Variants in KLHL1 observed in about 807,000 individuals in gnomAD.
KLHL1 encodes kelch like family member 1, also known as kelch-like protein 1.
KLHL1 carries 47 observed loss-of-function variants against 77.7 expected under a neutral mutation model. The observed-to-expected ratio is 0.60, with a 90% CI of 0.48 to 0.77. The LOEUF (loss-of-function observed/expected upper bound fraction) is 0.77. Among genes scored for constraint, KLHL1 ranks in the 30% least tolerant of loss-of-function variants. KLHL1 has a pLI of 0.00. For synonymous variants in KLHL1, 360 were observed against 325.2 expected (o/e 1.11, Z -1.15); for missense variants, 925 against 910.8 (o/e 1.02, Z -0.20).
chr13:69,788,652 A>T (rs937882171), intron 7 of KLHL1, among the ~76,000 whole-genome samples: 1 of 139,392 alleles, frequency 7.2e-6, no homozygotes, highest in Non-Finnish European at 1.6e-5. Context: ...CCTAAAACTT[A>T]AAGTATAATA....
At chr13:70,010,370 TAA>T (rs796971633) in intron 1 of KLHL1, among the ~76,000 whole-genome samples, 1 of 149,374 alleles carries the variant, frequency 6.7e-6, no homozygotes, top group African/African-American at 2.5e-5. Flanking sequence ...GAAAAGGATT[TAA>T]AAAAAAAAGT....
chr13:69,898,546 G>C (rs1566377817), intron 4 of KLHL1, among the ~76,000 whole-genome samples: 1 of 152,172 alleles, frequency 6.6e-6, no homozygotes, highest in Non-Finnish European at 1.5e-5. Flanking sequence ...GTCAGGCTCA[G>C]ATATGAGTGA....
chr13:69,941,203 G>T (rs1883355807), intron 3 of KLHL1, among the ~76,000 whole-genome samples: 1 of 151,808 alleles, frequency 6.6e-6, no homozygotes, highest in Admixed American at 6.6e-5. Flanking sequence ...AGATAGACCA[G>T]GAACAAGTCT....
Position 69,780,709 on chromosome 13 carries a change from T to C in KLHL1, c.1639+16029A>G, listed in dbSNP as rs1231442002. 1.2e-3 allele frequency among the ~76,000 whole-genome samples: 43 copies of C among 37,324 alleles called. 1 individual carries two copies. Among genetic ancestry groups the C allele is most frequent in the African/African-American group, 5.6e-3 (39 of 6,986 alleles). The allele number at this position is 37,324 out of a possible 152,430, so 24.5% of individuals were successfully genotyped here. On this transcript the variant is annotated intron_variant, in intron 7 of 10. Coordinates refer to ENST00000377844, the MANE Select transcript of KLHL1 (RefSeq NM_020866.3). ...TCATATATATATATATATGTATATA[T>C]ATATATGTATATATATATATATACA...
At chr13:69,762,199 A>G (rs974858133) in intron 7 of KLHL1, among the ~76,000 whole-genome samples, 5 of 152,170 alleles carry the variant, frequency 3.3e-5, no homozygotes, top group African/African-American at 1.2e-4. Context: ...AAATCTGTAA[A>G]TAAGGTATTA....
At chr13:69,775,727 G>A (rs1028318803) in intron 7 of KLHL1, among the ~76,000 whole-genome samples, 1 of 151,794 alleles carries the variant, frequency 6.6e-6, no homozygotes, top group Non-Finnish European at 1.5e-5. Flanking sequence ...GTCGTGCTCT[G>A]TCACTAGGAC....
At chr13:69,784,561 AC>A (rs1171760003) in intron 7 of KLHL1, among the ~76,000 whole-genome samples, 5 of 151,766 alleles carry the variant, frequency 3.3e-5, no homozygotes, top group African/African-American at 1.2e-4. Flanking sequence ...CAGACTTTAA[AC>A]CAACAAAGAT....
intron 5 of KLHL1, among the ~76,000 whole-genome samples, chr13:69,870,349 A>G (rs1880531176): frequency 6.6e-6 from 1 of 152,106 alleles, no homozygotes; most frequent in Non-Finnish European, 1.5e-5. Flanking sequence ...CCATGAGGAC[A>G]GCACCCAGAC....
rs116649802 is a variant in KLHL1, at chr13:70,000,058, C to T, written c.498-24256G>A. 3.6e-3 allele frequency among the ~76,000 whole-genome samples: 551 copies of T among 151,906 alleles called. 4 individuals carry two copies. Among genetic ancestry groups the T allele is most frequent in the African/African-American group, 0.013 (525 of 41,472 alleles). ...TGTGAGTTCTGGGTCTGTTAGTTCCCATGAGATCTGATTGTTTAAAAGAGG... is the reference window on the plus strand; with the variant it reads ...TGTGAGTTCTGGGTCTGTTAGTTCCTATGAGATCTGATTGTTTAAAAGAGG... On this transcript the variant is annotated intron_variant, in intron 1 of 10. Coordinates refer to ENST00000377844, the MANE Select transcript of KLHL1 (RefSeq NM_020866.3).
At chr13:70,071,605 G>GA (rs1273327908) in intron 1 of KLHL1, among the ~76,000 whole-genome samples, 4 of 151,016 alleles carry the variant, frequency 2.6e-5, no homozygotes, top group Non-Finnish European at 4.4e-5. Context: ...ATCAAAAAAA[G>GA]AAAAAAATCA....
In KLHL1 at chr13:69,796,732, T is replaced by A. The variant is rs1457618785; in HGVS notation, c.1639+6A>T. On this transcript the variant is annotated splice_donor_region_variant and intron_variant, in intron 7 of 10. Coordinates refer to ENST00000377844, the MANE Select transcript of KLHL1 (RefSeq NM_020866.3). The stretch of plus-strand genomic sequence containing the variant: ...TAAAAGTAATATCAATAAAGTAAGA[T>A]CTTACCTAGACCATGTCTGTGTGTT... 1 of 1,591,632 alleles carries A rather than the reference T, an allele frequency of 6.3e-7. No individual in the cohort carries two copies.
At chr13:69,741,084 C>A (rs1344529375) in intron 7 of KLHL1, among the ~76,000 whole-genome samples, 1 of 151,970 alleles carries the variant, frequency 6.6e-6, no homozygotes, top group Non-Finnish European at 1.5e-5. Context: ...TTTGGTTTCC[C>A]AAAAAGGTTA....
chr13:69,847,404 C>CAAAAAAA (rs11357077), intron 5 of KLHL1, among the ~76,000 whole-genome samples: 2,265 of 145,048 alleles, frequency 0.016, 56 homozygotes, highest in African/African-American at 0.025. Flanking sequence ...ACTGCATTAG[C>CAAAAAAA]AAAAAAAAAA....
At position 69,961,422 on chromosome 13, in the gene KLHL1, C is replaced by A; in HGVS notation, c.703G>T (p.Asp235Tyr). ...AHRLVLSSVS[D>Y]YFAAMFTSDV... ...CTTGTAAACATGGCCGCAAAATAGT[C>A]GGAGACTGAACTCAGAACAAGCCTG... The change falls in exon 3 of 11, where the codon GAC (aspartate) becomes TAC (tyrosine). Residue 235 changes from aspartate (D) to tyrosine (Y), a missense_variant. By Grantham distance (160) the Asp-to-Tyr change is radical (BLOSUM62 -3). Coordinates refer to ENST00000377844, the MANE Select transcript of KLHL1 (RefSeq NM_020866.3). The A allele has an allele frequency of 6.2e-7, 1 of 1,612,742 alleles. No individual in the cohort carries two copies. The highest frequency in any genetic ancestry group is 8.5e-7 in the Non-Finnish European group (1 of 1,179,262).
chr13:69,939,340 CATATATATAT>C (rs34074889), intron 4 of KLHL1, among the ~76,000 whole-genome samples: 6,838 of 60,912 alleles, frequency 0.11, 532 homozygotes, highest in Middle Eastern at 0.21. Flanking sequence ...CATATACATA[CATATATATAT>C]ATATATATAT....
intron 5 of KLHL1, among the ~76,000 whole-genome samples, chr13:69,865,689 A>G (rs149371409): frequency 1.1e-3 from 167 of 152,216 alleles, no homozygotes; most frequent in African/African-American, 3.8e-3. Context: ...AAAGGTGCAT[A>G]TTTTTAAAAT....
chr13:69,925,511 T>TA, intron 4 of KLHL1, among the ~76,000 whole-genome samples: 1 of 152,182 alleles, frequency 6.6e-6, no homozygotes, highest in Non-Finnish European at 1.5e-5. Flanking sequence ...AAGACACATA[T>TA]ATGACAGTAT....
rs1158100317 is a variant in KLHL1, at chr13:69,757,983, A to T, written c.1640-17427T>A. ...AAAAAAAAAAAAAAAAAAAAAAAAA[A>T]TCACAGGCCATTGCAATAACTATCA... is the stretch of plus-strand genomic sequence containing the variant. On this transcript the variant is annotated intron_variant, in intron 7 of 10. Transcript: ENST00000377844. 4.9e-5 allele frequency among the ~76,000 whole-genome samples: 7 copies of T among 142,312 alleles called. No homozygotes were observed. The East Asian group carries it at 1.4e-3, about 29-fold the overall frequency. The allele number at this position is 142,312 out of a possible 152,430, so 93.4% of individuals were successfully genotyped here.
intron 1 of KLHL1, among the ~76,000 whole-genome samples, chr13:70,066,866 T>G (rs1046441379): frequency 1.3e-5 from 2 of 152,238 alleles, no homozygotes; most frequent in Non-Finnish European, 2.9e-5. Flanking sequence ...AATAGTCATT[T>G]TATATAACAG....
Sources: allele counts gnomAD v4.1 joint callset (sites outside exome capture counted in the v4.1 genomes callset), GRCh38; gene constraint gnomAD v4.1.1; transcripts MANE v1.5; gene names NCBI Gene and HGNC (gene_info 2026-07-23, HGNC 2026-07-21).